PIWIL1: variants seen among roughly 807,000 people sequenced by gnomAD.
PIWIL1 encodes piwi like RNA-mediated gene silencing 1, also known as piwi-like protein 1.
In PIWIL1, 73 loss-of-function variants were observed where a neutral mutation model predicts 114.4. The observed-to-expected ratio is 0.64, with a 90% CI of 0.53 to 0.78. The LOEUF is 0.78. Among genes scored for constraint, PIWIL1 ranks in the 30% least tolerant of loss-of-function variants. The pLI, the probability that PIWIL1 is intolerant of heterozygous loss-of-function variation, is 0.00. For synonymous variants in PIWIL1, 375 were observed against 369.0 expected, an observed-to-expected ratio of 1.02 and a Z score of -0.19; for missense variants, 723 against 1,063.1, an observed-to-expected ratio of 0.68 and a Z score of 4.45.
the PIWIL1 span, among the ~76,000 whole-genome samples, chr12:130,390,928 C>A: frequency 1.3e-5 from 2 of 152,292 alleles, no homozygotes; most frequent in African/African-American, 4.8e-5. Context: ...TTACCTGGTC[C>A]CTGTCTCACT....
At position 130,345,098 on chromosome 12, in the gene PIWIL1, C is replaced by T. The variant is rs568507258; in HGVS notation, c.191-655C>T. 3.4e-4 allele frequency among the ~76,000 whole-genome samples: 52 copies of T among 152,262 alleles called. No individual in the cohort carries two copies. The South Asian group carries it at 8.9e-3, about 26-fold the overall frequency. On this transcript the variant is annotated intron_variant, in intron 3 of 20. Transcript: ENST00000245255. ...ATCTGAGATAATTGTATAATTTCAG[C>T]AAATCAAATGACTTGAATAATTTAG...
chr12:130,384,940 G>A, the PIWIL1 span, among the ~76,000 whole-genome samples: 1 of 152,076 alleles, frequency 6.6e-6, no homozygotes, highest in African/African-American at 2.4e-5. Flanking sequence ...TTTTGTATTT[G>A]AAATATTTTG....
chr12:130,414,354 A>T, the PIWIL1 span: 2 of 1,515,326 alleles, frequency 1.3e-6, no homozygotes. Flanking sequence ...AGCCTAACTG[A>T]GGAGCGTGCA....
the PIWIL1 span, chr12:130,414,036 A>G: frequency 7.3e-7 from 1 of 1,373,990 alleles, no homozygotes; most frequent in East Asian, 2.3e-5. Flanking sequence ...GGCCATCTCT[A>G]AGTCGATACC....
rs368086386 is a variant in PIWIL1 at position 130,354,919 on chromosome 12, C to T, written c.1203C>T (p.Asn401=). 68 of 1,613,326 alleles carry T rather than the reference C, an allele frequency of 4.2e-5. No individual in the cohort carries two copies. Among genetic ancestry groups the T allele is most frequent in the South Asian group, 1.4e-4 (13 of 91,022 alleles). ...CTGATAAAATGCGTAATGATTTTAA[C>T]GTGATGAAAGACTTAGCCGTTCATA... ...GLTDKMRNDF[N]VMKDLAVHTR... Residue 401 remains asparagine, a synonymous_variant, in exon 11 of 21, where the codon AAC becomes AAT. Transcript: ENST00000245255.
At chr12:130,415,432 C>A in the PIWIL1 span, among the ~76,000 whole-genome samples, 1 of 152,110 alleles carries the variant, frequency 6.6e-6, no homozygotes, top group Non-Finnish European at 1.5e-5. Context: ...TGTGACAAAC[C>A]CACAGCCAAT....
chr12:130,398,245 C>T, the PIWIL1 span: 2 of 152,210 alleles, frequency 1.3e-5, no homozygotes, highest in Non-Finnish European at 2.9e-5. Flanking sequence ...GACGACTTCA[C>T]CTCGCTTCCC....
At chr12:130,373,055 AT>A (rs1256822252), downstream of PIWIL1, among the ~76,000 whole-genome samples, 1 of 152,184 alleles carries the variant, frequency 6.6e-6, no homozygotes, top group African/African-American at 2.4e-5. Flanking sequence ...AATGAAAACC[AT>A]TTTATTTTCC....
chr12:130,373,592 G>T (rs141129312), downstream of PIWIL1, among the ~76,000 whole-genome samples: 8 of 152,256 alleles, frequency 5.3e-5, no homozygotes, highest in Admixed American at 5.2e-4. Flanking sequence ...GACATCACCT[G>T]GTTGGGTTTG....
chr12:130,337,947 C>T lies in PIWIL1; in HGVS notation c.-212C>T, dbSNP rs1326057834. The T allele has an allele frequency of 6.2e-6, 1 of 162,116 alleles. No individual in the cohort carries two copies. The highest frequency in any genetic ancestry group is 2.4e-5 in the African/African-American group (1 of 41,508). 10.0% of individuals were successfully genotyped at this position (162,116 alleles called of 1,614,324 possible). On this transcript the variant is annotated 5_prime_UTR_variant, in exon 1 of 21. Coordinates refer to ENST00000245255, the MANE Select transcript of PIWIL1 (RefSeq NM_004764.5). ...CGCCCGGGAGGCGGTGTTCATCCGC[C>T]CGGGAAAAGAGCGCCTGTTGCTCGC...
the PIWIL1 span, among the ~76,000 whole-genome samples, chr12:130,419,034 C>T: frequency 6.6e-6 from 1 of 152,166 alleles, no homozygotes; most frequent in African/African-American, 2.4e-5. The surrounding 1 kb of genome is among the most constrained non-coding windows in gnomAD (Gnocchi z 4.3). Context: ...ATAAAATCAG[C>T]GTATGCGGTG....
At chr12:130,411,233 AG>A in the PIWIL1 span, among the ~76,000 whole-genome samples, 1 of 152,312 alleles carries the variant, frequency 6.6e-6, no homozygotes, top group African/African-American at 2.4e-5. Context: ...TGTTAGTTCT[AG>A]GAACTTTTTT....
At chr12:130,409,009 G>A in the PIWIL1 span, among the ~76,000 whole-genome samples, 1 of 152,218 alleles carries the variant, frequency 6.6e-6, no homozygotes, top group East Asian at 1.9e-4. Context: ...CTGCACATGT[G>A]TGTCTCCTCC....
chr12:130,394,775 G>GT, the PIWIL1 span, among the ~76,000 whole-genome samples: 3 of 152,064 alleles, frequency 2.0e-5, no homozygotes, highest in African/African-American at 7.2e-5. Context: ...TAAGCAAATA[G>GT]TTTATTTGAA....
intron 2 of PIWIL1, 46 bp downstream of exon 2, chr12:130,342,715 T>C (rs748847068): frequency 1.2e-5 from 17 of 1,425,174 alleles, no homozygotes; most frequent in Non-Finnish European, 1.6e-5. Context: ...CTTTGACTCT[T>C]GATCAGCCTA....
At chr12:130,407,662 T>C in the PIWIL1 span, 5 of 1,288,710 alleles carry the variant, frequency 3.9e-6, no homozygotes, top group Admixed American at 8.4e-5. Context: ...CTCAGTGTGG[T>C]GTACCACGAG....
chr12:130,342,416 G>T lies in PIWIL1; in HGVS notation c.-12-164G>T, dbSNP rs1483579494. On this transcript the variant is annotated intron_variant, in intron 1 of 20. Transcript: ENST00000245255. ...AAGCAACTGAGTTTGTTGAATGTAG[G>T]AATGTTACATTAAAAAAAACTGTCA... The T allele has an allele frequency of 5.4e-5, 33 of 614,016 alleles. No individual in the cohort carries two copies. The East Asian group carries it at 8.8e-4, about 16-fold the overall frequency. The allele number at this position is 614,016 out of a possible 1,614,324, so 38.0% of individuals were successfully genotyped here. A position where few individuals can be genotyped will look rare whatever the true frequency, so the allele number is the denominator to read the frequency against.
At chr12:130,339,289 C>G (rs373499866) in intron 1 of PIWIL1, among the ~76,000 whole-genome samples, 4 of 152,150 alleles carry the variant, frequency 2.6e-5, no homozygotes, top group African/African-American at 9.7e-5. Context: ...GGGATGGATG[C>G]TCTCGCCGTC....
In PIWIL1 at chr12:130,338,097, C is replaced by T. The variant is rs2072759570; in HGVS notation, c.-62C>T. The T allele has an allele frequency of 4.6e-6, 1 of 218,162 alleles. No homozygotes were observed. Among genetic ancestry groups the T allele is most frequent in the East Asian group, 1.8e-4 (1 of 5,486 alleles). The allele number at this position is 218,162 out of a possible 1,614,324, so 13.5% of individuals were successfully genotyped here. A position where few individuals can be genotyped will look rare whatever the true frequency, so the allele number is the denominator to read the frequency against. On this transcript the variant is annotated 5_prime_UTR_variant, in exon 1 of 21. Transcript: ENST00000245255. ...CGCGGGAGCCGTTGGGGCTGTTGGC[C>T]TCGGGCTGAGGTGCAAGGACCAGGA...
Sources: allele counts gnomAD v4.1 joint callset (sites outside exome capture counted in the v4.1 genomes callset), GRCh38; gene constraint gnomAD v4.1.1; non-coding constraint Gnocchi (gnomAD v3.1); transcripts MANE v1.5; gene names NCBI Gene and HGNC (gene_info 2026-07-23, HGNC 2026-07-21).